CEP78: variants seen among roughly 807,000 people sequenced by gnomAD.
CEP78 encodes centrosomal protein of 78 kDa.
CEP78 carries 76 observed loss-of-function variants against 81.2 expected under a neutral mutation model. The observed-to-expected ratio is 0.94, with a 90% CI of 0.78 to 1.13. The LOEUF is 1.13. Among genes scored for constraint, CEP78 ranks in the 50% most tolerant of loss-of-function variants. The probability of loss-of-function intolerance (pLI) is 0.00; values close to 1 mark genes in which losing one functional copy is unlikely to be tolerated. For missense variants in CEP78, 918 were observed against 846.8 expected, an observed-to-expected ratio of 1.08 and a Z score of -1.04; for synonymous variants, 293 against 301.4, an observed-to-expected ratio of 0.97 and a Z score of 0.29.
intron 8 of CEP78, among the ~76,000 whole-genome samples, chr9:78,251,577 A>G (rs1262720065): frequency 6.6e-6 from 1 of 152,054 alleles, no homozygotes; most frequent in Non-Finnish European, 1.5e-5. Context: ...ATAATCTTTC[A>G]TTCTTTGGGT....
Position 78,240,117 on chromosome 9 carries a change from A to G in CEP78, c.348A>G (p.Leu116=). Residue 116 remains leucine, a synonymous_variant, in exon 2 of 17, where the codon TTA becomes TTG. Transcript: ENST00000643273. ...TGTGTAAAGCTCTTAAAGGCTGTTT[A>G]AGTATATCAAGTGTGCTAAAGAACC... The part of the protein sequence containing the change: ...FQLCKALKGC[L]SISSVLKNLE... 6.3e-7 allele frequency: 1 copy of G among 1,586,564 alleles called. No individual in the cohort carries two copies.
chr9:78,258,070 C>G (rs1379376041), intron 11 of CEP78, among the ~76,000 whole-genome samples: 5 of 152,166 alleles, frequency 3.3e-5, no homozygotes, highest in Admixed American at 3.3e-4. Context: ...CATGTGATAG[C>G]AAAAATAACT....
intron 11 of CEP78, among the ~76,000 whole-genome samples, chr9:78,258,303 C>G (rs769433186): frequency 1.3e-5 from 2 of 152,106 alleles, no homozygotes; most frequent in Non-Finnish European, 2.9e-5. Context: ...ATCTATCTGT[C>G]TCTCAAAAAA....
intron 1 of CEP78, among the ~76,000 whole-genome samples, chr9:78,239,758 T>C (rs1454241753): frequency 6.6e-6 from 1 of 152,196 alleles, no homozygotes; most frequent in Non-Finnish European, 1.5e-5. Flanking sequence ...CATCACCCAC[T>C]CTCACCCCAT....
chr9:78,240,471 T>A (rs377467857), intron 3 of CEP78, 107 bp downstream of exon 3: 1 of 930,390 alleles, frequency 1.1e-6, no homozygotes, highest in Admixed American at 2.1e-5. Context: ...CTGCCTCATA[T>A]GCTTGTTCAA....
At chr9:78,236,626 GC>G (rs750515617) in intron 1 of CEP78, 23 bp downstream of exon 1, 1 of 1,517,862 alleles carries the variant, frequency 6.6e-7, no homozygotes, top group Non-Finnish European at 8.8e-7. Context: ...CGCCTCCAGG[GC>G]CCCTCAGTCG....
rs933842197 is a variant in CEP78, at chr9:78,278,606, G to A, written c.*7755G>A. The A allele has an allele frequency of 1.3e-5, 2 of 152,188 alleles. No individual in the cohort carries two copies. Among genetic ancestry groups the A allele is most frequent in the Non-Finnish European group, 2.9e-5 (2 of 68,048 alleles). 9.4% of individuals were successfully genotyped at this position (152,188 alleles called of 1,614,324 possible). On this transcript the variant is annotated 3_prime_UTR_variant, in exon 17 of 17. Coordinates refer to ENST00000643273, the MANE Select transcript of CEP78 (RefSeq NM_001330691.3). ...GTTTCACAATCCACTAATGGGTAAT[G>A]TCCTACTGTTTGGAAACACTGGCTA...
At chr9:78,245,224 A>G (rs1038963328) in intron 5 of CEP78, among the ~76,000 whole-genome samples, 1 of 151,994 alleles carries the variant, frequency 6.6e-6, no homozygotes, top group Non-Finnish European at 1.5e-5. Context: ...TTATAGAAGC[A>G]TATAACAGAA....
At chr9:78,258,800 G>A (rs1827149424) in intron 11 of CEP78, among the ~76,000 whole-genome samples, 1 of 152,158 alleles carries the variant, frequency 6.6e-6, no homozygotes, top group African/African-American at 2.4e-5. Flanking sequence ...ACTGAAATCA[G>A]TATGAGATGC....
chr9:78,270,302 A>T (rs1827662869), intron 16 of CEP78, among the ~76,000 whole-genome samples: 2 of 152,208 alleles, frequency 1.3e-5, no homozygotes. Context: ...AAACATTTAA[A>T]ACCGTAACAT....
In CEP78 at chr9:78,274,838, G is replaced by A. The variant is rs1171045231; in HGVS notation, c.*3987G>A. 1.3e-5 allele frequency: 2 copies of A among 152,102 alleles called. No homozygotes were observed. Among genetic ancestry groups the A allele is most frequent in the African/African-American group, 4.8e-5 (2 of 41,426 alleles). 9.4% of individuals were successfully genotyped at this position (152,102 alleles called of 1,614,324 possible). ...TAAAGCTGAGGAATTCTACCAAAGA[G>A]GTGTTAGAGGAAATTGTATAGATTT... On this transcript the variant is annotated 3_prime_UTR_variant, in exon 17 of 17. Coordinates refer to ENST00000643273, the MANE Select transcript of CEP78 (RefSeq NM_001330691.3).
chr9:78,252,495 GATATAAC>G (rs201392980), intron 9 of CEP78, among the ~76,000 whole-genome samples: 2,685 of 152,172 alleles, frequency 0.018, 57 homozygotes, highest in Non-Finnish European at 0.019. Context: ...AATCAAACCA[GATATAAC>G]TAGTTTTAGC....
chr9:78,257,489 G>A (rs1250605646), intron 11 of CEP78, among the ~76,000 whole-genome samples: 1 of 152,192 alleles, frequency 6.6e-6, no homozygotes, highest in African/African-American at 2.4e-5. Flanking sequence ...AGTGGTTTCA[G>A]TGTGGAGAGC....
chr9:78,262,854 T>G lies in CEP78; in HGVS notation c.1381-53T>G. On this transcript the variant is annotated intron_variant, in intron 11 of 16. Coordinates refer to ENST00000643273, the MANE Select transcript of CEP78 (RefSeq NM_001330691.3). ...GTGAGCTCAACAGCTGGAAGAGTTTTGGGGATCATATTGGGAATTAATTAT... is the reference window on the plus strand; with the variant it reads ...GTGAGCTCAACAGCTGGAAGAGTTTGGGGGATCATATTGGGAATTAATTAT... The G allele has an allele frequency of 6.2e-6, 7 of 1,131,826 alleles. 1 individual carries two copies. In the South Asian group the frequency reaches 1.1e-4, roughly 17 times the overall value. 70.1% of individuals were successfully genotyped at this position (1,131,826 alleles called of 1,614,324 possible). A position where few individuals can be genotyped will look rare whatever the true frequency, so the allele number is the denominator to read the frequency against.
rs776271026 is a variant in CEP78 at position 78,236,426 on chromosome 9, C to T, written c.76C>T (p.Gln26Ter). Residue 26 changes from glutamine (Q) to a stop codon, truncating the protein, a stop_gained, in exon 1 of 17, where the codon CAG becomes TAG. Transcript: ENST00000643273. LOFTEE classifies it high-confidence loss of function. Reference protein sequence around the residue: ...FSHYEYLCALQNSVPLPAVRA... With the variant: ...FSHYEYLCAL ...CCACTACGAGTACCTGTGCGCGCTG[C>T]AGAACTCGGTGCCGCTGCCCGCCGT... The T allele has an allele frequency of 6.9e-6, 11 of 1,601,830 alleles. No homozygotes were observed. The highest frequency in any genetic ancestry group is 1.1e-5 in the South Asian group (1 of 89,054).
rs754267465 is a variant in CEP78, at chr9:78,241,698, A to G, written c.502A>G (p.Ile168Val). The G allele has an allele frequency of 6.6e-7, 1 of 1,518,378 alleles. No individual in the cohort carries two copies. Among genetic ancestry groups the G allele is most frequent in the Non-Finnish European group, 9.0e-7 (1 of 1,108,468 alleles). 94.1% of individuals were successfully genotyped at this position (1,518,378 alleles called of 1,614,324 possible). Residue 168 changes from isoleucine (I) to valine (V), a missense_variant and splice_region_variant, in exon 4 of 17, where the codon ATT (isoleucine) becomes GTT (valine). Ile to Val is a conservative substitution (Grantham distance 29). Transcript: ENST00000643273. ...CPIGDGGLEI[I>V]CQGIKSSITL... ...TGTGGTTTTTTTTTCCATTTTAGTT[A>G]TTTGTCAAGGTATAAAGAGCTCTAT...
Position 78,236,161 on chromosome 9 carries a change from T to G in CEP78, c.-190T>G. 3.5e-6 allele frequency: 2 copies of G among 574,562 alleles called. No individual in the cohort carries two copies. The highest frequency in any genetic ancestry group is 2.0e-5 in the African/African-American group (1 of 49,608). The allele number at this position is 574,562 out of a possible 1,614,324, so 35.6% of individuals were successfully genotyped here. On this transcript the variant is annotated 5_prime_UTR_variant, in exon 1 of 17. Coordinates refer to ENST00000643273, the MANE Select transcript of CEP78 (RefSeq NM_001330691.3). ...CGGGAGGCAGCGCGGGAGTGGGGCG[T>G]TGAGGGGCCGGCCTAGCTTGGGGCT...
chr9:78,258,101 C>T (rs544645894), intron 11 of CEP78, among the ~76,000 whole-genome samples: 8 of 152,302 alleles, frequency 5.3e-5, no homozygotes, highest in African/African-American at 1.4e-4. Flanking sequence ...AGATTTAGCA[C>T]GTATTGGACA....
chr9:78,244,526 A>C (rs1826391339), intron 5 of CEP78, among the ~76,000 whole-genome samples: 1 of 152,234 alleles, frequency 6.6e-6, no homozygotes, highest in African/African-American at 2.4e-5. Flanking sequence ...GCCTTTCAGA[A>C]ATGCTGTGCC....
Sources: allele counts gnomAD v4.1 joint callset (sites outside exome capture counted in the v4.1 genomes callset), GRCh38; gene constraint gnomAD v4.1.1; transcripts MANE v1.5; gene names NCBI Gene and HGNC (gene_info 2026-07-23, HGNC 2026-07-21).